RIT2: variants seen among roughly 807,000 people sequenced by gnomAD.
RIT2 encodes GTP-binding protein Rit2.
In RIT2, 24 loss-of-function variants were observed where a neutral mutation model predicts 23.7. The observed-to-expected ratio is 1.01, with a 90% CI of 0.73 to 1.43. The LOEUF (loss-of-function observed/expected upper bound fraction) is 1.43. RIT2 is among the 40% of genes most tolerant of loss of function. RIT2 has a pLI of 0.00. For synonymous variants in RIT2, 107 were observed against 91.1 expected (o/e 1.17, Z -0.99); for missense variants, 236 against 266.9 (o/e 0.88, Z 0.81).
At chr18:42,849,519 C>T (rs572965070) in intron 4 of RIT2, among the ~76,000 whole-genome samples, 14 of 152,144 alleles carry the variant, frequency 9.2e-5, no homozygotes, top group South Asian at 6.2e-4. Context: ...GCTGACATGA[C>T]GCAAATAAAG....
At chr18:43,023,914 T>C (rs1341266889) in intron 2 of RIT2, among the ~76,000 whole-genome samples, 2 of 152,036 alleles carry the variant, frequency 1.3e-5, no homozygotes, top group East Asian at 3.9e-4. Flanking sequence ...ATGTTAGCTC[T>C]TAGAGTATTT....
At chr18:42,965,591 T>A (rs1031636957) in intron 3 of RIT2, among the ~76,000 whole-genome samples, 10 of 151,204 alleles carry the variant, frequency 6.6e-5, no homozygotes, top group Non-Finnish European at 1.0e-4. Flanking sequence ...AAGCTGAAAA[T>A]AAATACTCCT....
intron 4 of RIT2, among the ~76,000 whole-genome samples, chr18:42,835,870 A>G (rs945847204): frequency 1.3e-5 from 2 of 152,144 alleles, no homozygotes; most frequent in African/African-American, 4.8e-5. Flanking sequence ...AAAATAGTAA[A>G]TTGATATTTG....
At chr18:42,849,245 A>C (rs1402020927) in intron 4 of RIT2, among the ~76,000 whole-genome samples, 1 of 152,194 alleles carries the variant, frequency 6.6e-6, no homozygotes, top group Non-Finnish European at 1.5e-5. Context: ...TATAGGCCAA[A>C]TAGACATTCT....
chr18:43,068,694 A>G (rs775244631), intron 1 of RIT2, among the ~76,000 whole-genome samples: 1 of 152,166 alleles, frequency 6.6e-6, no homozygotes, highest in Non-Finnish European at 1.5e-5. Context: ...GTCTAGCTTC[A>G]GTAGATTTTG....
At chr18:42,857,632 G>A (rs893436920) in intron 4 of RIT2, among the ~76,000 whole-genome samples, 2 of 152,168 alleles carry the variant, frequency 1.3e-5, no homozygotes, top group Admixed American at 6.5e-5. Context: ...ATCATAGCCA[G>A]CCCCTGAAAA....
intron 3 of RIT2, among the ~76,000 whole-genome samples, chr18:42,957,808 G>A (rs1275094862): frequency 2.0e-5 from 3 of 152,048 alleles, no homozygotes; most frequent in Non-Finnish European, 4.4e-5. Flanking sequence ...CTAATTAATT[G>A]ATTCATTAAT....
intron 4 of RIT2, among the ~76,000 whole-genome samples, chr18:42,832,702 A>G (rs1483768121): frequency 2.6e-5 from 4 of 152,170 alleles, no homozygotes; most frequent in Non-Finnish European, 5.9e-5. Flanking sequence ...TTAATTTGAA[A>G]TATACAATAT....
At chr18:42,883,808 G>A (rs780744211) in intron 4 of RIT2, among the ~76,000 whole-genome samples, 1 of 152,120 alleles carries the variant, frequency 6.6e-6, no homozygotes, top group African/African-American at 2.4e-5. Flanking sequence ...CTAAAAATGA[G>A]TCTTGAAGAT....
chr18:42,988,839 T>A (rs1000262947), intron 2 of RIT2, among the ~76,000 whole-genome samples: 7 of 152,088 alleles, frequency 4.6e-5, no homozygotes, highest in African/African-American at 1.7e-4. Flanking sequence ...GAGTACTGGG[T>A]GAACAGCAGA....
intron 3 of RIT2, among the ~76,000 whole-genome samples, chr18:42,940,548 G>T (rs575372372): frequency 6.6e-5 from 10 of 151,724 alleles, no homozygotes; most frequent in Admixed American, 5.3e-4. Flanking sequence ...ATGTAAGTAA[G>T]AATGTATTAG....
intron 3 of RIT2, among the ~76,000 whole-genome samples, chr18:42,927,737 C>T (rs1442208801): frequency 6.6e-6 from 1 of 151,944 alleles, no homozygotes; most frequent in Non-Finnish European, 1.5e-5. Flanking sequence ...TAAAATGCTA[C>T]AAATATAAGC....
intron 1 of RIT2, among the ~76,000 whole-genome samples, chr18:43,080,486 T>C (rs988278835): frequency 4.6e-5 from 7 of 152,200 alleles, no homozygotes; most frequent in Non-Finnish European, 7.4e-5. Context: ...ATCCAGCCCA[T>C]GGCAACCTGA....
chr18:42,840,790 C>T (rs955636066), intron 4 of RIT2, among the ~76,000 whole-genome samples: 4 of 152,322 alleles, frequency 2.6e-5, no homozygotes, highest in South Asian at 4.1e-4. Context: ...CGTGAGCCAC[C>T]GCGCCCAGCT....
chr18:42,937,706 G>T (rs550916964), intron 3 of RIT2, among the ~76,000 whole-genome samples: 8 of 152,174 alleles, frequency 5.3e-5, no homozygotes, highest in Non-Finnish European at 8.8e-5. Context: ...GACGGGAAAA[G>T]ATGGTACATA....
intron 4 of RIT2, among the ~76,000 whole-genome samples, chr18:42,769,149 T>C (rs540912700): frequency 6.6e-6 from 1 of 152,094 alleles, no homozygotes; most frequent in African/African-American, 2.4e-5. Flanking sequence ...AAGAAAAAAG[T>C]CAATAGAAAG....
At chr18:43,072,182 T>TA (rs1489154518) in intron 1 of RIT2, among the ~76,000 whole-genome samples, 3 of 152,062 alleles carry the variant, frequency 2.0e-5, no homozygotes, top group African/African-American at 7.2e-5. Flanking sequence ...GACGGGGTTT[T>TA]ACCATGTTGG....
chr18:42,862,263 A>T (rs1340416556), intron 4 of RIT2, among the ~76,000 whole-genome samples: 7 of 149,064 alleles, frequency 4.7e-5, no homozygotes. Context: ...TTCTCCCTTC[A>T]CTCTCTCTCT....
chr18:43,019,724 T>C (rs768063086), intron 2 of RIT2, among the ~76,000 whole-genome samples: 16 of 151,934 alleles, frequency 1.1e-4, no homozygotes, highest in Non-Finnish European at 1.8e-4. Flanking sequence ...AGACAACAAA[T>C]TGAAAATCAG....
Sources: allele counts gnomAD v4.1 joint callset (sites outside exome capture counted in the v4.1 genomes callset), GRCh38; gene constraint gnomAD v4.1.1; transcripts MANE v1.5; gene names NCBI Gene and HGNC (gene_info 2026-07-23, HGNC 2026-07-21).